C18orf63: variants seen among roughly 807,000 people sequenced by gnomAD.
The protein encoded by C18orf63 is chromosome 18 open reading frame 63, also known as uncharacterized protein C18orf63.
A neutral mutation model predicts 75.3 loss-of-function variants in C18orf63; 50 were observed. The observed-to-expected ratio is 0.66, with a 90% CI of 0.53 to 0.84. The LOEUF (loss-of-function observed/expected upper bound fraction) is 0.84. Ranked by LOEUF, C18orf63 falls within the 40% of genes least tolerant of loss-of-function variation. C18orf63 has a pLI of 0.00. For synonymous variants in C18orf63, 232 were observed against 267.6 expected (o/e 0.87, Z 1.30); for missense variants, 732 against 800.2 (o/e 0.91, Z 1.03).
chr18:74,358,383 T>C lies in C18orf63; in HGVS notation c.*1936T>C, dbSNP rs1281765577. On this transcript the variant is annotated 3_prime_UTR_variant, in exon 14 of 14. Transcript: ENST00000579455. ...TATATGCATATATTTATATGTGAGA[T>C]TTAATATAGATAGGTATATAGATTG... 1.3e-5 allele frequency: 2 copies of C among 152,172 alleles called. No homozygotes were observed. The highest frequency in any genetic ancestry group is 4.8e-5 in the African/African-American group (2 of 41,436). The allele number at this position is 152,172 out of a possible 1,614,324, so 9.4% of individuals were successfully genotyped here.
chr18:74,332,086 C>A lies in C18orf63; in HGVS notation c.501+1144C>A, dbSNP rs182583794. Among the ~76,000 whole-genome samples, 456 of 152,226 alleles carry A rather than the reference C, an allele frequency of 3.0e-3. 3 individuals carry two copies. Among genetic ancestry groups the A allele is most frequent in the Non-Finnish European group, 2.2e-3 (149 of 68,020 alleles). ...ATTTAAACCCTCATACTCTCCTGTA[C>A]CAAACTGTCTTTGTTTTCTGTCGCT... On this transcript the variant is annotated intron_variant, in intron 7 of 13. Transcript: ENST00000579455.
intron 11 of C18orf63, among the ~76,000 whole-genome samples, chr18:74,349,406 G>T (rs948510599): frequency 6.6e-6 from 1 of 152,152 alleles, no homozygotes; most frequent in Non-Finnish European, 1.5e-5. Flanking sequence ...CTCTATAGCA[G>T]GGGTCCCCAA....
Position 74,354,452 on chromosome 18 carries a change from T to C in C18orf63, c.2002-5T>C. The C allele has an allele frequency of 2.8e-6, 4 of 1,445,286 alleles. No homozygotes were observed. Among genetic ancestry groups the C allele is most frequent in the Non-Finnish European group, 2.8e-6 (3 of 1,067,124 alleles). 89.5% of individuals were successfully genotyped at this position (1,445,286 alleles called of 1,614,324 possible). Reference sequence around the variant, plus strand: ...TAACAAATGTGATTCTTCAATCTAATACAGATACTTGACTCGGATAAATCA... The same window carrying C: ...TAACAAATGTGATTCTTCAATCTAACACAGATACTTGACTCGGATAAATCA... On this transcript the variant is annotated splice_polypyrimidine_tract_variant and splice_region_variant and intron_variant, in intron 12 of 13. Coordinates refer to ENST00000579455, the MANE Select transcript of C18orf63 (RefSeq NM_001174123.2).
chr18:74,354,689 TG>T (rs1296109565), intron 13 of C18orf63, 143 bp downstream of exon 13: 3 of 576,042 alleles, frequency 5.2e-6, no homozygotes, highest in South Asian at 4.5e-5. Context: ...TAGGACATGG[TG>T]GGAACAGTTC....
At chr18:74,355,550 G>A (rs1395654347) in intron 13 of C18orf63, among the ~76,000 whole-genome samples, 1 of 152,152 alleles carries the variant, frequency 6.6e-6, no homozygotes, top group Admixed American at 6.5e-5. Context: ...GGAGGCTGAG[G>A]CAGGCAGATT....
At chr18:74,340,986 C>T (rs992774982) in intron 8 of C18orf63, among the ~76,000 whole-genome samples, 32 of 151,970 alleles carry the variant, frequency 2.1e-4, no homozygotes, top group African/African-American at 7.7e-4. Context: ...AGGTTGGGGC[C>T]GGGCGCGGTG....
At chr18:74,331,666 C>T (rs1984309480) in intron 7 of C18orf63, among the ~76,000 whole-genome samples, 1 of 152,176 alleles carries the variant, frequency 6.6e-6, no homozygotes, top group South Asian at 2.1e-4. Flanking sequence ...GGACAGCCAT[C>T]TTATCCCCAC....
intron 4 of C18orf63, among the ~76,000 whole-genome samples, chr18:74,325,298 T>G (rs974384789): frequency 6.6e-6 from 1 of 152,222 alleles, no homozygotes; most frequent in Non-Finnish European, 1.5e-5. Flanking sequence ...TATGGGTTAT[T>G]TTGAAGTGTG....
At chr18:74,347,754 G>T (rs1984597769) in intron 11 of C18orf63, among the ~76,000 whole-genome samples, 1 of 152,150 alleles carries the variant, frequency 6.6e-6, no homozygotes, top group Non-Finnish European at 1.5e-5. Flanking sequence ...ATAAAACTCA[G>T]CCAGCTTAAA....
chr18:74,320,522 GT>G lies in C18orf63; in HGVS notation c.149del (p.Leu50CysfsTer14). 1 of 1,533,080 alleles carries G rather than the reference GT, an allele frequency of 6.5e-7. No individual in the cohort carries two copies. Among genetic ancestry groups the G allele is most frequent in the Non-Finnish European group, 8.7e-7 (1 of 1,145,152 alleles). The allele number at this position is 1,533,080 out of a possible 1,614,324, so 95.0% of individuals were successfully genotyped here. On this transcript the variant is annotated frameshift_variant, in exon 3 of 14. Transcript: ENST00000579455. LOFTEE classifies it high-confidence loss of function. ...IQMKMCRQLL[F>X]LHQDILTSPV... ...TATTTCATCTCCACAGGCAATTGCT[GT>G]TTTTGCATCAAGATATTCTTACATC...
intron 7 of C18orf63, among the ~76,000 whole-genome samples, chr18:74,333,067 C>CT (rs1320396010): frequency 6.6e-6 from 1 of 152,144 alleles, no homozygotes; most frequent in African/African-American, 2.4e-5. Flanking sequence ...GAAAGTGGCA[C>CT]TAACCTGATG....
chr18:74,322,605 C>G, intron 3 of C18orf63, 93 bp from the exon 4 acceptor site: 2 of 369,310 alleles, frequency 5.4e-6, no homozygotes, highest in East Asian at 8.5e-5. Flanking sequence ...GATTCTTTGC[C>G]CTCTGTAGAA....
chr18:74,337,453 G>A (rs1049372492), intron 7 of C18orf63, among the ~76,000 whole-genome samples: 2 of 152,058 alleles, frequency 1.3e-5, no homozygotes, highest in Non-Finnish European at 2.9e-5. Context: ...ATAAGTAGGT[G>A]TATGTGGGAA....
At chr18:74,347,440 A>G (rs1984592130) in intron 11 of C18orf63, among the ~76,000 whole-genome samples, 2 of 152,236 alleles carry the variant, frequency 1.3e-5, no homozygotes, top group East Asian at 1.9e-4. Context: ...CCCTTTCTGT[A>G]TCTGTCATTG....
intron 10 of C18orf63, 101 bp downstream of exon 10, chr18:74,342,427 G>A: frequency 2.9e-6 from 2 of 691,036 alleles, no homozygotes; most frequent in East Asian, 2.7e-5. Flanking sequence ...CTTTCTCTGT[G>A]TCTAACTGAA....
At chr18:74,324,150 C>T (rs1463289852) in intron 4 of C18orf63, among the ~76,000 whole-genome samples, 2 of 152,178 alleles carry the variant, frequency 1.3e-5, no homozygotes, top group African/African-American at 4.8e-5. Flanking sequence ...GTAAATGACG[C>T]GGTACAAAAG....
At chr18:74,338,687 G>A in intron 7 of C18orf63, 28 bp from the exon 8 acceptor site, 1 of 963,732 alleles carries the variant, frequency 1.0e-6, no homozygotes, top group Non-Finnish European at 1.4e-6. Flanking sequence ...ATGATTTGAG[G>A]ACTTACAAAT....
Position 74,330,882 on chromosome 18 carries a change from A to C in C18orf63, c.441A>C (p.Val147=). The change falls in exon 7 of 14, where the codon GTA becomes GTC. Residue 147 remains valine, a synonymous_variant. Transcript: ENST00000579455. ...KQSAVVLNIN[V]TETQVCLSIE... ...TATTTTCAGTATTAAACATCAATGT[A>C]ACAGAAACTCAAGTTTGTCTAAGTA... 1 of 1,431,784 alleles carries C rather than the reference A, an allele frequency of 7.0e-7. No individual in the cohort carries two copies. The highest frequency in any genetic ancestry group is 9.4e-7 in the Non-Finnish European group (1 of 1,067,234). The allele number at this position is 1,431,784 out of a possible 1,614,324, so 88.7% of individuals were successfully genotyped here. A position where few individuals can be genotyped will look rare whatever the true frequency, so the allele number is the denominator to read the frequency against.
At chr18:74,332,481 G>C (rs1984324829) in intron 7 of C18orf63, among the ~76,000 whole-genome samples, 1 of 152,098 alleles carries the variant, frequency 6.6e-6, no homozygotes, top group African/African-American at 2.4e-5. Flanking sequence ...GAAGTGGGTG[G>C]ATCACGAGGT....
Sources: gnomAD v4.1 joint callset for allele counts (sites outside exome capture counted in the v4.1 genomes callset) on GRCh38, gnomAD v4.1.1 for gene constraint, MANE v1.5 for transcripts, NCBI Gene and HGNC (gene_info 2026-07-23, HGNC 2026-07-21) for gene names.